ZNF143: variants seen among roughly 807,000 people sequenced by gnomAD.
ZNF143 encodes the protein zinc finger protein 143, also known as SPH-binding factor.
A neutral mutation model predicts 74.1 loss-of-function variants in ZNF143; 49 were observed. The observed-to-expected ratio is 0.66, with a 90% CI of 0.53 to 0.84. The LOEUF is 0.84. ZNF143 is among the 40% of genes least tolerant of loss of function. The pLI is 0.00. For missense variants in ZNF143, 637 were observed against 793.4 expected (o/e 0.80, Z 2.37); for synonymous variants, 304 against 282.8 (o/e 1.07, Z -0.75).
chr11:9,511,847 GT>G (rs1848561209), intron 12 of ZNF143, among the ~76,000 whole-genome samples: 1 of 150,596 alleles, frequency 6.6e-6, no homozygotes. Context: ...TGCCTCCCGG[GT>G]TCATGCCATT....
chr11:9,523,416 C>T (rs866915265), intron 14 of ZNF143, among the ~76,000 whole-genome samples: 5 of 152,058 alleles, frequency 3.3e-5, no homozygotes, highest in Non-Finnish European at 7.4e-5. Flanking sequence ...TGTTGGAAAC[C>T]GGAAATATTT....
chr11:9,463,735 T>C (rs2133807700), intron 1 of ZNF143: 1 of 152,320 alleles, frequency 6.6e-6, no homozygotes, highest in Middle Eastern at 3.4e-3. Flanking sequence ...TGTTGGAATG[T>C]TGCTGTGAAG....
intron 11 of ZNF143, among the ~76,000 whole-genome samples, chr11:9,502,022 C>G (rs1181124008): frequency 6.9e-6 from 1 of 144,542 alleles, no homozygotes; most frequent in African/African-American, 2.6e-5. Context: ...CTGCAACCTC[C>G]GCCTCCCAGG....
At chr11:9,471,239 C>A in intron 1 of ZNF143, 63 bp from the exon 2 acceptor site, 1 of 1,354,354 alleles carries the variant, frequency 7.4e-7, no homozygotes, top group South Asian at 1.4e-5. Context: ...CATAAATATT[C>A]TTTGTAACTT....
chr11:9,480,507 A>G (rs1052833307), intron 7 of ZNF143, among the ~76,000 whole-genome samples: 1 of 152,302 alleles, frequency 6.6e-6, no homozygotes, highest in African/African-American at 2.4e-5. Context: ...ACATTGAGTG[A>G]TACTGTTAGG....
At position 9,525,608 on chromosome 11, in the gene ZNF143, G is replaced by GAA. The variant is rs928691141; in HGVS notation, c.1833+229_1833+230dup. 4 of 569,064 alleles carry GAA rather than the reference G, an allele frequency of 7.0e-6. No individual in the cohort carries two copies. In the East Asian group the frequency reaches 1.3e-4, roughly 19 times the overall value. 35.3% of individuals were successfully genotyped at this position (569,064 alleles called of 1,614,324 possible). ...CATATTCTAGGGGAATTTATAGCAA[G>GAA]AAAAAAAACCTTCAGGTATATATCC... On this transcript the variant is annotated intron_variant, in intron 15 of 15. Coordinates refer to ENST00000396602, the MANE Select transcript of ZNF143 (RefSeq NM_003442.6).
intron 1 of ZNF143, among the ~76,000 whole-genome samples, chr11:9,461,433 C>T (rs1013087216): frequency 6.6e-6 from 1 of 152,150 alleles, no homozygotes; most frequent in Non-Finnish European, 1.5e-5. Context: ...CGTTTCTCGG[C>T]CTGACCTCCG....
In ZNF143 at chr11:9,516,127, G is replaced by A; in HGVS notation, c.1525-74G>A. ...ACAGGGCAAACTTATACAAGGATTA[G>A]TCCTGGTCCTTATGGAAGATTGTCA... On this transcript the variant is annotated intron_variant, in intron 13 of 15. Transcript: ENST00000396602. 9 of 1,482,748 alleles carry A rather than the reference G, an allele frequency of 6.1e-6. No individual in the cohort carries two copies. In the South Asian group the frequency reaches 9.7e-5, roughly 16 times the overall value. The allele number at this position is 1,482,748 out of a possible 1,614,324, so 91.8% of individuals were successfully genotyped here.
rs750723754 is a variant in ZNF143, at chr11:9,474,614, T to C, written c.354T>C (p.Phe118=). 1 of 1,614,170 alleles carries C rather than the reference T, an allele frequency of 6.2e-7. No homozygotes were observed. The highest frequency in any genetic ancestry group is 2.2e-5 in the East Asian group (1 of 44,880). The part of the protein sequence containing the change: ...AVQLEDGTTA[F]IHHTSKDSYD... ...AGTTAGAAGATGGTACCACAGCATT[T>C]ATTCACCACACCTCCAAAGGTAAAA... is the stretch of plus-strand genomic sequence containing the variant. The change falls in exon 5 of 16, where the codon TTT becomes TTC. Residue 118 remains phenylalanine (F), a synonymous_variant. Coordinates refer to ENST00000396602, the MANE Select transcript of ZNF143 (RefSeq NM_003442.6).
intron 3 of ZNF143, among the ~76,000 whole-genome samples, chr11:9,473,058 G>A (rs1230221866): frequency 6.6e-6 from 1 of 151,508 alleles, no homozygotes; most frequent in Non-Finnish European, 1.5e-5. Flanking sequence ...CTTTACCTTG[G>A]GTCATTATTT....
chr11:9,481,104 T>C (rs1847220182), intron 7 of ZNF143, among the ~76,000 whole-genome samples: 2 of 152,056 alleles, frequency 1.3e-5, no homozygotes, highest in Non-Finnish European at 2.9e-5. Flanking sequence ...AATGAGACTT[T>C]AAGGCAGGTG....
intron 7 of ZNF143, among the ~76,000 whole-genome samples, chr11:9,481,974 CTT>C (rs71034714): frequency 2.5e-5 from 3 of 122,372 alleles, no homozygotes; most frequent in African/African-American, 3.2e-5. Context: ...ACCCATTACT[CTT>C]TTTTTTTTTT....
At chr11:9,513,953 T>G (rs1032185730) in intron 13 of ZNF143, among the ~76,000 whole-genome samples, 8 of 152,152 alleles carry the variant, frequency 5.3e-5, no homozygotes, top group South Asian at 2.1e-4. Context: ...ATTCTAGTGT[T>G]TGTTTGTGTG....
intron 14 of ZNF143, among the ~76,000 whole-genome samples, chr11:9,523,289 C>T (rs533276020): frequency 6.6e-6 from 1 of 152,238 alleles, no homozygotes; most frequent in South Asian, 2.1e-4. Flanking sequence ...GTAATCTTAC[C>T]TCCTAACTTG....
intron 7 of ZNF143, among the ~76,000 whole-genome samples, chr11:9,485,032 C>G (rs976705131): frequency 2.0e-5 from 3 of 146,820 alleles, no homozygotes; most frequent in Non-Finnish European, 3.0e-5. Context: ...CTCCTGACCT[C>G]GTGATCTGCC....
At position 9,527,599 on chromosome 11, in the gene ZNF143, G is replaced by A; in HGVS notation, c.1903G>A (p.Gly635Arg). The A allele has an allele frequency of 6.2e-7, 1 of 1,614,020 alleles. No homozygotes were observed. The highest frequency in any genetic ancestry group is 8.5e-7 in the Non-Finnish European group (1 of 1,179,886). Residue 635 changes from glycine to arginine, a missense_variant, in exon 16 of 16, where the codon GGG becomes AGG. By Grantham distance (125) the Gly-to-Arg change is moderately radical. Transcript: ENST00000396602. Reference protein sequence around the residue: ...ASRIQQGETPGLDD With the variant: ...ASRIQQGETPRLDD ...TAGAATCCAACAAGGAGAAACGCCAGGGTTGGATGATTAATCCTCAGAACA... is the reference window on the plus strand; with the variant it reads ...TAGAATCCAACAAGGAGAAACGCCAAGGTTGGATGATTAATCCTCAGAACA...
intron 12 of ZNF143, among the ~76,000 whole-genome samples, chr11:9,512,237 A>C (rs1223677739): frequency 2.0e-5 from 3 of 152,200 alleles, no homozygotes; most frequent in Non-Finnish European, 4.4e-5. Context: ...TGATGCAGAA[A>C]GATTTTTTGT....
chr11:9,494,144 A>G (rs1847878776), intron 7 of ZNF143, among the ~76,000 whole-genome samples: 1 of 152,160 alleles, frequency 6.6e-6, no homozygotes, highest in Non-Finnish European at 1.5e-5. Flanking sequence ...TGACTACTGT[A>G]CTTTCAGAGT....
intron 10 of ZNF143, among the ~76,000 whole-genome samples, chr11:9,498,372 C>G (rs1484890888): frequency 6.6e-6 from 1 of 152,160 alleles, no homozygotes; most frequent in Non-Finnish European, 1.5e-5. Context: ...GTTGTCTGGG[C>G]AACAAGTTTA....
Sources: gnomAD v4.1 joint callset for allele counts (sites outside exome capture counted in the v4.1 genomes callset) on GRCh38, gnomAD v4.1.1 for gene constraint, MANE v1.5 for transcripts, NCBI Gene and HGNC (gene_info 2026-07-23, HGNC 2026-07-21) for gene names.